The following FAT4 variants were observed in gnomAD, a reference collection of about 807,000 sequenced individuals.
FAT4 encodes the protein protocadherin Fat 4.
Under a neutral mutation model 303.9 loss-of-function variants are expected in FAT4, and 84 were observed. That is an observed-to-expected ratio of 0.28 (90% CI 0.23 to 0.33). The LOEUF (loss-of-function observed/expected upper bound fraction) is 0.33, where lower values mean the gene tolerates loss of function less well. Among genes scored for constraint, FAT4 ranks in the 10% least tolerant of loss-of-function variants. FAT4 has a pLI of 1.00. For missense variants in FAT4, 6,005 were observed against 6,146.8 expected (o/e 0.98, Z 0.77); for synonymous variants, 2,307 against 2,298.8 (o/e 1.00, Z -0.10).
At chr4:125,465,778 GC>G (rs1477309840) in intron 11 of FAT4, among the ~76,000 whole-genome samples, 1 of 152,064 alleles carries the variant, frequency 6.6e-6, no homozygotes, top group African/African-American at 2.4e-5. Context: ...CCTTCCAGGG[GC>G]AAAGACAAAA....
chr4:125,460,811 T>A (rs2126069036), intron 10 of FAT4, among the ~76,000 whole-genome samples: 1 of 152,248 alleles, frequency 6.6e-6, no homozygotes, highest in South Asian at 2.1e-4. Flanking sequence ...AGTAATGGGA[T>A]TGTTGGGTCA....
chr4:125,486,980 A>T (rs1727432061), intron 16 of FAT4, among the ~76,000 whole-genome samples: 1 of 152,148 alleles, frequency 6.6e-6, no homozygotes, highest in South Asian at 2.1e-4. Context: ...TAAACGAACC[A>T]GCATAACACA....
intron 7 of FAT4, among the ~76,000 whole-genome samples, chr4:125,423,131 A>G (rs1006651608): frequency 6.6e-6 from 1 of 152,230 alleles, no homozygotes; most frequent in Non-Finnish European, 1.5e-5. Context: ...AGATTGCAAT[A>G]TAAAAGAAAA....
At chr4:125,343,339 G>T (rs1731871667) in intron 2 of FAT4, among the ~76,000 whole-genome samples, 1 of 152,054 alleles carries the variant, frequency 6.6e-6, no homozygotes, top group Non-Finnish European at 1.5e-5. Flanking sequence ...AGCAGCTTCA[G>T]TTCTTGGGGC....
At chr4:125,429,742 A>C (rs1725218543) in intron 7 of FAT4, among the ~76,000 whole-genome samples, 1 of 152,216 alleles carries the variant, frequency 6.6e-6, no homozygotes, top group Non-Finnish European at 1.5e-5. Flanking sequence ...ATATATGAGC[A>C]AGGTTTACAG....
In FAT4 at chr4:125,415,080, T is replaced by C; in HGVS notation, c.6117T>C (p.Ile2039=). The C allele has an allele frequency of 1.2e-6, 2 of 1,614,026 alleles. No individual in the cohort carries two copies. Among genetic ancestry groups the C allele is most frequent in the African/African-American group, 1.3e-5 (1 of 75,040 alleles). ...SRFTSTAQVS[I]ILLDVNDNPP... ...TCACAAGCACTGCTCAAGTCTCCATTATTTTGTTGGATGTAAATGATAACC... is the reference window on the plus strand; with the variant it reads ...TCACAAGCACTGCTCAAGTCTCCATCATTTTGTTGGATGTAAATGATAACC... The change falls in exon 6 of 18, where the codon ATT becomes ATC. Residue 2039 remains isoleucine (I), a synonymous_variant. Coordinates refer to ENST00000394329, the MANE Select transcript of FAT4 (RefSeq NM_001291303.3).
intron 2 of FAT4, among the ~76,000 whole-genome samples, chr4:125,396,415 A>G (rs1002582631): frequency 6.6e-6 from 1 of 152,200 alleles, no homozygotes; most frequent in African/African-American, 2.4e-5. Flanking sequence ...TCTTTTAGGT[A>G]TACTCAACTT....
intron 8 of FAT4, among the ~76,000 whole-genome samples, chr4:125,436,130 T>C (rs1725443053): frequency 6.6e-6 from 1 of 151,548 alleles, no homozygotes; most frequent in Admixed American, 6.6e-5. Flanking sequence ...ACATGGCACA[T>C]GTATACATAT....
chr4:125,486,955 C>T (rs1283394218), intron 16 of FAT4, among the ~76,000 whole-genome samples: 1 of 152,020 alleles, frequency 6.6e-6, no homozygotes, highest in Non-Finnish European at 1.5e-5. Context: ...TTTTTTAGTA[C>T]TATGGGCCTT....
At position 125,490,515 on chromosome 4, in the gene FAT4, T is replaced by C; in HGVS notation, c.13699T>C (p.Tyr4567His). ...TGATGACCCTGACAATATCCCTCCC[T>C]ATGGGGATGACATGACTGTGAGGAA... is the stretch of plus-strand genomic sequence containing the variant. ...AFDDPDNIPP[Y>H]GDDMTVRKQP... The change falls in exon 18 of 18, where the codon TAT becomes CAT. Residue 4567 changes from tyrosine to histidine, a missense_variant. Coordinates refer to ENST00000394329, the MANE Select transcript of FAT4 (RefSeq NM_001291303.3). 13 of 1,614,094 alleles carry C rather than the reference T, an allele frequency of 8.1e-6. No individual in the cohort carries two copies. The highest frequency in any genetic ancestry group is 1.1e-5 in the Non-Finnish European group (13 of 1,180,030).
intron 2 of FAT4, among the ~76,000 whole-genome samples, chr4:125,341,377 T>C (rs941481359): frequency 6.6e-5 from 10 of 152,130 alleles, no homozygotes; most frequent in Admixed American, 1.3e-4. Flanking sequence ...TAGAGATTTG[T>C]TAGTTTTTAC....
Position 125,449,672 on chromosome 4 carries a change from G to A in FAT4, c.8662G>A (p.Glu2888Lys). 6.2e-7 allele frequency: 1 copy of A among 1,613,972 alleles called. No individual in the cohort carries two copies. The highest frequency in any genetic ancestry group is 8.5e-7 in the Non-Finnish European group (1 of 1,179,934). Residue 2888 changes from glutamate to lysine, a missense_variant, in exon 10 of 18, where the codon GAG (glutamate) becomes AAG (lysine). Glu to Lys is a moderately conservative substitution (Grantham distance 56). Coordinates refer to ENST00000394329, the MANE Select transcript of FAT4 (RefSeq NM_001291303.3). ...TTATTTAGATTGCCCTGAACTTACT[G>A]AGATTGGCTCCAAAGTAACTCAGGT... ...SYYLDCPELT[E>K]IGSKVTQVFA...
In FAT4 at chr4:125,372,876, G is replaced by A. The variant is rs543367983; in HGVS notation, c.5176-25908G>A. On this transcript the variant is annotated intron_variant, in intron 2 of 17. Transcript: ENST00000394329. ...ATCAATATCATATGCAATAGCAAGT[G>A]GAAAACCCATGTTTTTAATTTAGAA... Among the ~76,000 whole-genome samples the A allele has an allele frequency of 2.3e-4, 35 of 152,198 alleles. 1 individual carries two copies. The South Asian group carries it at 6.4e-3, about 28-fold the overall frequency.
At position 125,316,961 on chromosome 4, in the gene FAT4, C is replaced by T; in HGVS notation, c.550C>T (p.Arg184Cys). ...YRIIRGNEAG[R>C]FRLDITLNPS... ...CATCATCCGCGGCAATGAGGCGGGG[C>T]GCTTCCGTCTGGACATCACCCTGAA... Residue 184 changes from arginine to cysteine, a missense_variant, in exon 2 of 18, where the codon CGC becomes TGC. Physicochemically the swap from Arg to Cys is radical, Grantham distance 180. Coordinates refer to ENST00000394329, the MANE Select transcript of FAT4 (RefSeq NM_001291303.3). The surrounding 1 kb of genome is among the most constrained non-coding windows in gnomAD (Gnocchi z 5.7). The T allele has an allele frequency of 6.2e-7, 1 of 1,613,902 alleles. No homozygotes were observed. Among genetic ancestry groups the T allele is most frequent in the Non-Finnish European group, 8.5e-7 (1 of 1,180,028 alleles).
Position 125,319,809 on chromosome 4 carries a change from G to A in FAT4, c.3398G>A (p.Gly1133Glu). The change falls in exon 2 of 18, where the codon GGA becomes GAA. Residue 1133 changes from glycine (G) to glutamate (E), a missense_variant. Physicochemically the swap from Gly to Glu is moderately conservative, Grantham distance 98. Coordinates refer to ENST00000394329, the MANE Select transcript of FAT4 (RefSeq NM_001291303.3). The stretch of plus-strand genomic sequence containing the variant: ...GTAGATAAAGACTTTGGGCCAAATG[G>A]AGAAGTAAGGTATTCTTTTGAAATG... ...SAVDKDFGPN[G>E]EVRYSFEMVQ... The A allele has an allele frequency of 6.2e-7, 1 of 1,614,204 alleles. No homozygotes were observed. The highest frequency in any genetic ancestry group is 8.5e-7 in the Non-Finnish European group (1 of 1,180,018).
At chr4:125,455,846 C>T (rs1726259535) in intron 10 of FAT4, among the ~76,000 whole-genome samples, 1 of 152,192 alleles carries the variant, frequency 6.6e-6, no homozygotes. Flanking sequence ...GAAATCGGAA[C>T]TACTCTCAGA....
intron 2 of FAT4, among the ~76,000 whole-genome samples, chr4:125,360,975 ATTTAT>A (rs1203795777): frequency 7.0e-6 from 1 of 143,292 alleles, no homozygotes; most frequent in South Asian, 2.1e-4. Context: ...TTTTATTATT[ATTTAT>A]TTTATTTATT....
chr4:125,371,479 G>A (rs1449402845), intron 2 of FAT4, among the ~76,000 whole-genome samples: 1 of 151,772 alleles, frequency 6.6e-6, no homozygotes, highest in African/African-American at 2.4e-5. Flanking sequence ...TCTTCCTAGA[G>A]TCTATCCATG....
intron 2 of FAT4, among the ~76,000 whole-genome samples, chr4:125,365,322 A>G (rs1480726793): frequency 6.6e-6 from 1 of 152,204 alleles, no homozygotes; most frequent in Non-Finnish European, 1.5e-5. Context: ...GGAGTGTAGT[A>G]TCCATGAAAG....
Sources: gnomAD v4.1 joint callset for allele counts (sites outside exome capture counted in the v4.1 genomes callset) on GRCh38, gnomAD v4.1.1 for gene constraint, Gnocchi (gnomAD v3.1) non-coding constraint, MANE v1.5 for transcripts, NCBI Gene and HGNC (gene_info 2026-07-23, HGNC 2026-07-21) for gene names.